SCP2D1: variants seen among roughly 807,000 people sequenced by gnomAD.
SCP2D1 encodes SCP2 sterol binding domain containing 1.
SCP2D1 carries 8 observed loss-of-function variants against 9.2 expected under a neutral mutation model. The ratio of observed to expected loss-of-function variants is 0.87; its 90% CI spans 0.51 to 1.57. The LOEUF is 1.57. SCP2D1 is among the 40% of genes most tolerant of loss of function. SCP2D1 has a pLI of 0.00. For synonymous variants in SCP2D1, 68 were observed against 70.2 expected (o/e 0.97, Z 0.16); for missense variants, 199 against 186.9 (o/e 1.06, Z -0.38).
chr20:18,814,134 G>A lies in SCP2D1; in HGVS notation c.319G>A (p.Val107Ile). 6.2e-7 allele frequency: 1 copy of A among 1,614,182 alleles called. No homozygotes were observed. The change falls in exon 1 of 1, where the codon GTC (valine) becomes ATC (isoleucine). Residue 107 changes from valine to isoleucine, a missense_variant. Coordinates refer to ENST00000377428, the MANE Select transcript of SCP2D1 (RefSeq NM_178483.3). ...ACCTGCCAGGCTCCCAGCAGACACT[G>A]TCTTTACAATCCCGGAGTCTGTCTT... ...PGPARLPADT[V>I]FTIPESVFME...
At position 18,814,301 on chromosome 20, in the gene SCP2D1, C is replaced by G; in HGVS notation, c.*15C>G. The G allele has an allele frequency of 6.4e-7, 1 of 1,552,780 alleles. No homozygotes were observed. The highest frequency in any genetic ancestry group is 8.9e-7 in the Non-Finnish European group (1 of 1,129,600). The stretch of plus-strand genomic sequence containing the variant: ...CTAAATTTTAAGCATGCAAAAATAC[C>G]AAGGAAGAACTTCTCTTCGATGATA... On this transcript the variant is annotated 3_prime_UTR_variant, in exon 1 of 1. Coordinates refer to ENST00000377428, the MANE Select transcript of SCP2D1 (RefSeq NM_178483.3).
chr20:18,813,825 A>T lies in SCP2D1; in HGVS notation c.10A>T (p.Arg4Ter), dbSNP rs773306131. Residue 4 changes from arginine (R) to a stop codon, truncating the protein, a stop_gained, in exon 1 of 1, where the codon AGA (arginine) becomes TGA (stop). Transcript: ENST00000377428. LOFTEE classifies it high-confidence loss of function. The part of the protein sequence containing the change: MWK[R>*]SDHQPKIKAE... ...GGACTAGCACAGGAAGATGTGGAAGAGAAGTGACCATCAACCCAAGATCAA... is the reference window on the plus strand; with the variant it reads ...GGACTAGCACAGGAAGATGTGGAAGTGAAGTGACCATCAACCCAAGATCAA... The T allele has an allele frequency of 1.2e-6, 2 of 1,611,096 alleles. No homozygotes were observed. The highest frequency in any genetic ancestry group is 1.1e-5 in the South Asian group (1 of 90,948).
chr20:18,814,073 T>A lies in SCP2D1; in HGVS notation c.258T>A (p.Ile86=). Residue 86 remains isoleucine, a synonymous_variant, in exon 1 of 1, where the codon ATT becomes ATA. Transcript: ENST00000377428. ...GGAAGACCATTTTGCGGTGGACCAT[T>A]GATCTGAAGAATGGTTCTGGGGACA... The part of the protein sequence containing the change: ...KNGKTILRWT[I]DLKNGSGDMY... 1.2e-6 allele frequency: 2 copies of A among 1,614,174 alleles called. No individual in the cohort carries two copies. Among genetic ancestry groups the A allele is most frequent in the Non-Finnish European group, 1.7e-6 (2 of 1,180,030 alleles).
chr20:18,813,922 C>T lies in SCP2D1; in HGVS notation c.107C>T (p.Pro36Leu). Residue 36 changes from proline to leucine, a missense_variant, in exon 1 of 1, where the codon CCT becomes CTT. Pro to Leu is a moderately conservative substitution (Grantham distance 98, BLOSUM62 -3). Transcript: ENST00000377428. ...GTTCCAGAACCTGCCATGCCACATC[C>T]TCTAGAGCTGTCAGAATTTGAGAGC... ...GSVPEPAMPH[P>L]LELSEFESFP... is the part of the protein sequence containing the mutation. The T allele has an allele frequency of 6.2e-7, 1 of 1,614,178 alleles. No homozygotes were observed.
Position 18,813,928 on chromosome 20 carries a change from A to G in SCP2D1, c.113A>G (p.Glu38Gly). 6.2e-7 allele frequency: 1 copy of G among 1,614,154 alleles called. No homozygotes were observed. Among genetic ancestry groups the G allele is most frequent in the Non-Finnish European group, 8.5e-7 (1 of 1,180,016 alleles). The change falls in exon 1 of 1, where the codon GAG becomes GGG. Residue 38 changes from glutamate (E) to glycine (G), a missense_variant. Transcript: ENST00000377428. The stretch of plus-strand genomic sequence containing the variant: ...GAACCTGCCATGCCACATCCTCTAG[A>G]GCTGTCAGAATTTGAGAGCTTCCCA... ...VPEPAMPHPL[E>G]LSEFESFPVF...
Position 18,814,346 on chromosome 20 carries a change from C to A in SCP2D1, c.*60C>A. ...ATGATAATGTCGAGTGGAAATCATG[C>A]TTAATCTGAAGATTAAAGTAAAAAG... On this transcript the variant is annotated 3_prime_UTR_variant, in exon 1 of 1. Coordinates refer to ENST00000377428, the MANE Select transcript of SCP2D1 (RefSeq NM_178483.3). The A allele has an allele frequency of 7.8e-7, 1 of 1,277,788 alleles. No individual in the cohort carries two copies. Among genetic ancestry groups the A allele is most frequent in the Non-Finnish European group, 1.1e-6 (1 of 908,992 alleles). The allele number at this position is 1,277,788 out of a possible 1,614,324, so 79.2% of individuals were successfully genotyped here.
Position 18,813,832 on chromosome 20 carries a change from A to G in SCP2D1, c.17A>G (p.Asp6Gly), listed in dbSNP as rs1363108038. The G allele has an allele frequency of 6.2e-7, 1 of 1,611,870 alleles. No homozygotes were observed. Among genetic ancestry groups the G allele is most frequent in the South Asian group, 1.1e-5 (1 of 90,986 alleles). Residue 6 changes from aspartate to glycine, a missense_variant, in exon 1 of 1, where the codon GAC becomes GGC. Transcript: ENST00000377428. MWKRS[D>G]HQPKIKAEDG... ...CACAGGAAGATGTGGAAGAGAAGTG[A>G]CCATCAACCCAAGATCAAAGCAGAG...
rs368681702 is a variant in SCP2D1, at chr20:18,813,833, C to A, written c.18C>A (p.Asp6Glu). The change falls in exon 1 of 1, where the codon GAC becomes GAA. Residue 6 changes from aspartate to glutamate, a missense_variant. Asp to Glu is a conservative substitution (Grantham distance 45). Transcript: ENST00000377428. MWKRS[D>E]HQPKIKAEDG... ...ACAGGAAGATGTGGAAGAGAAGTGA[C>A]CATCAACCCAAGATCAAAGCAGAGG... The A allele has an allele frequency of 3.1e-6, 5 of 1,611,764 alleles. No individual in the cohort carries two copies. Among genetic ancestry groups the A allele is most frequent in the African/African-American group, 1.3e-5 (1 of 74,826 alleles).
In SCP2D1 at chr20:18,814,295, A is replaced by C; in HGVS notation, c.*9A>C. 1 of 1,585,418 alleles carries C rather than the reference A, an allele frequency of 6.3e-7. No individual in the cohort carries two copies. Among genetic ancestry groups the C allele is most frequent in the Non-Finnish European group, 8.6e-7 (1 of 1,157,210 alleles). ...ACTGGGCTAAATTTTAAGCATGCAA[A>C]AATACCAAGGAAGAACTTCTCTTCG... On this transcript the variant is annotated 3_prime_UTR_variant, in exon 1 of 1. Coordinates refer to ENST00000377428, the MANE Select transcript of SCP2D1 (RefSeq NM_178483.3).
chr20:18,814,033 A>G lies in SCP2D1; in HGVS notation c.218A>G (p.Asp73Gly). ...AAAGTCAATGCCGTCTTTCAGCTGG[A>G]CATCACCAAAAATGGGAAGACCATT... ...VKKVNAVFQL[D>G]ITKNGKTILR... is the part of the protein sequence containing the mutation. Residue 73 changes from aspartate to glycine, a missense_variant, in exon 1 of 1, where the codon GAC (aspartate) becomes GGC (glycine). By Grantham distance (94) the Asp-to-Gly change is moderately conservative. Transcript: ENST00000377428. 1 of 1,614,210 alleles carries G rather than the reference A, an allele frequency of 6.2e-7. No individual in the cohort carries two copies. Among genetic ancestry groups the G allele is most frequent in the South Asian group, 1.1e-5 (1 of 91,082 alleles).
rs748056828 is a variant in SCP2D1, at chr20:18,814,370, A to G, written c.*84A>G. ...GCTTAATCTGAAGATTAAAGTAAAA[A>G]GTATCCAATATTTTTACTCAAATTC... is the stretch of plus-strand genomic sequence containing the variant. On this transcript the variant is annotated 3_prime_UTR_variant, in exon 1 of 1. Transcript: ENST00000377428. 22 of 1,105,084 alleles carry G rather than the reference A, an allele frequency of 2.0e-5. No homozygotes were observed. Among genetic ancestry groups the G allele is most frequent in the Non-Finnish European group, 2.7e-5 (21 of 768,552 alleles). The allele number at this position is 1,105,084 out of a possible 1,614,324, so 68.5% of individuals were successfully genotyped here. A position where few individuals can be genotyped will look rare whatever the true frequency, so the allele number is the denominator to read the frequency against.
chr20:18,814,132 CTG>C lies in SCP2D1; in HGVS notation c.319_320del (p.Val107LeufsTer36). ...GGACCTGCCAGGCTCCCAGCAGACA[CTG>C]TCTTTACAATCCCGGAGTCTGTCTT... On this transcript the variant is annotated frameshift_variant, in exon 1 of 1. Transcript: ENST00000377428. LOFTEE classifies it high-confidence loss of function. 1 of 1,614,216 alleles carries C rather than the reference CTG, an allele frequency of 6.2e-7. No individual in the cohort carries two copies. The highest frequency in any genetic ancestry group is 8.5e-7 in the Non-Finnish European group (1 of 1,180,040).
In SCP2D1 at chr20:18,814,068, A is replaced by G; in HGVS notation, c.253A>G (p.Thr85Ala). 1 of 1,614,162 alleles carries G rather than the reference A, an allele frequency of 6.2e-7. No individual in the cohort carries two copies. Residue 85 changes from threonine (T) to alanine (A), a missense_variant, in exon 1 of 1, where the codon ACC becomes GCC. Transcript: ENST00000377428. Reference sequence around the variant, plus strand: ...AAATGGGAAGACCATTTTGCGGTGGACCATTGATCTGAAGAATGGTTCTGG... The same window carrying G: ...AAATGGGAAGACCATTTTGCGGTGGGCCATTGATCTGAAGAATGGTTCTGG... ...TKNGKTILRW[T>A]IDLKNGSGDM...
Position 18,814,111 on chromosome 20 carries a change from C to A in SCP2D1, c.296C>A (p.Pro99His). 1 of 1,614,180 alleles carries A rather than the reference C, an allele frequency of 6.2e-7. No individual in the cohort carries two copies. Among genetic ancestry groups the A allele is most frequent in the African/African-American group, 1.3e-5 (1 of 75,028 alleles). Residue 99 changes from proline to histidine, a missense_variant, in exon 1 of 1, where the codon CCT becomes CAT. Physicochemically the swap from Pro to His is moderately conservative, Grantham distance 77 (BLOSUM62 -2). Coordinates refer to ENST00000377428, the MANE Select transcript of SCP2D1 (RefSeq NM_178483.3). Reference protein sequence around the residue: ...KNGSGDMYPGPARLPADTVFT... With the variant: ...KNGSGDMYPGHARLPADTVFT... ...GGTTCTGGGGACATGTATCCGGGAC[C>A]TGCCAGGCTCCCAGCAGACACTGTC...
In SCP2D1 at chr20:18,814,054, C is replaced by G. The variant is rs754193096; in HGVS notation, c.239C>G (p.Thr80Ser). 2 of 1,614,082 alleles carry G rather than the reference C, an allele frequency of 1.2e-6. No homozygotes were observed. The highest frequency in any genetic ancestry group is 2.7e-5 in the African/African-American group (2 of 74,936). ...FQLDITKNGKTILRWTIDLKN... is the reference protein window; with the variant it reads ...FQLDITKNGKSILRWTIDLKN... ...CTGGACATCACCAAAAATGGGAAGA[C>G]CATTTTGCGGTGGACCATTGATCTG... Residue 80 changes from threonine (T) to serine (S), a missense_variant, in exon 1 of 1, where the codon ACC becomes AGC. Physicochemically the swap from Thr to Ser is moderately conservative, Grantham distance 58 (BLOSUM62 1). Coordinates refer to ENST00000377428, the MANE Select transcript of SCP2D1 (RefSeq NM_178483.3).
At position 18,814,371 on chromosome 20, in the gene SCP2D1, G is replaced by A. The variant is rs2061500958; in HGVS notation, c.*85G>A. Reference sequence around the variant, plus strand: ...CTTAATCTGAAGATTAAAGTAAAAAGTATCCAATATTTTTACTCAAATTCT... The same window carrying A: ...CTTAATCTGAAGATTAAAGTAAAAAATATCCAATATTTTTACTCAAATTCT... On this transcript the variant is annotated 3_prime_UTR_variant, in exon 1 of 1. Transcript: ENST00000377428. The A allele has an allele frequency of 1.8e-6, 2 of 1,094,816 alleles. No individual in the cohort carries two copies. Among genetic ancestry groups the A allele is most frequent in the Admixed American group, 2.5e-5 (1 of 39,734 alleles). The allele number at this position is 1,094,816 out of a possible 1,614,324, so 67.8% of individuals were successfully genotyped here. A position where few individuals can be genotyped will look rare whatever the true frequency, so the allele number is the denominator to read the frequency against.
Position 18,814,332 on chromosome 20 carries a change from G to A in SCP2D1, c.*46G>A, listed in dbSNP as rs755200683. ...AGAACTTCTCTTCGATGATAATGTC[G>A]AGTGGAAATCATGCTTAATCTGAAG... On this transcript the variant is annotated 3_prime_UTR_variant, in exon 1 of 1. Transcript: ENST00000377428. 5.0e-6 allele frequency: 7 copies of A among 1,395,252 alleles called. No individual in the cohort carries two copies. Among genetic ancestry groups the A allele is most frequent in the South Asian group, 2.5e-5 (2 of 79,538 alleles). The allele number at this position is 1,395,252 out of a possible 1,614,324, so 86.4% of individuals were successfully genotyped here.
In SCP2D1 at chr20:18,814,329, G is replaced by A; in HGVS notation, c.*43G>A. On this transcript the variant is annotated 3_prime_UTR_variant, in exon 1 of 1. Transcript: ENST00000377428. ...GGAAGAACTTCTCTTCGATGATAATGTCGAGTGGAAATCATGCTTAATCTG... is the reference window on the plus strand; with the variant it reads ...GGAAGAACTTCTCTTCGATGATAATATCGAGTGGAAATCATGCTTAATCTG... The A allele has an allele frequency of 7.1e-7, 1 of 1,416,720 alleles. No individual in the cohort carries two copies. The allele number at this position is 1,416,720 out of a possible 1,614,324, so 87.8% of individuals were successfully genotyped here.
At position 18,813,897 on chromosome 20, in the gene SCP2D1, G is replaced by A. The variant is rs575292008; in HGVS notation, c.82G>A (p.Val28Ile). 2.6e-5 allele frequency: 42 copies of A among 1,613,930 alleles called. 1 individual carries two copies. The South Asian group carries it at 4.6e-4, about 18-fold the overall frequency. ...LVGQFEVLGS[V>I]PEPAMPHPLE... ...GGGCCAGTTCGAGGTTCTGGGTTCAGTTCCAGAACCTGCCATGCCACATCC... is the reference window on the plus strand; with the variant it reads ...GGGCCAGTTCGAGGTTCTGGGTTCAATTCCAGAACCTGCCATGCCACATCC... Residue 28 changes from valine (V) to isoleucine (I), a missense_variant, in exon 1 of 1, where the codon GTT (valine) becomes ATT (isoleucine). By Grantham distance (29) the Val-to-Ile change is conservative. Transcript: ENST00000377428.
Sources: allele counts gnomAD v4.1 joint callset, GRCh38; gene constraint gnomAD v4.1.1; transcripts MANE v1.5; gene names NCBI Gene and HGNC (gene_info 2026-07-23, HGNC 2026-07-21).